The following ARPC2 variants were observed in gnomAD, a reference collection of about 807,000 sequenced individuals.
ARPC2 encodes actin related protein 2/3 complex subunit 2, also known as actin-related protein 2/3 complex subunit 2.
ARPC2 carries 4 observed loss-of-function variants against 38.6 expected under a neutral mutation model. That is an observed-to-expected ratio of 0.10 (90% CI 0.05 to 0.24). ARPC2 has a LOEUF of 0.24. Among genes scored for constraint, ARPC2 ranks in the 10% least tolerant of loss-of-function variants. The pLI is 1.00. For missense variants in ARPC2, 229 were observed against 387.3 expected, an observed-to-expected ratio of 0.59 and a Z score of 3.43; for synonymous variants, 125 against 140.8, an observed-to-expected ratio of 0.89 and a Z score of 0.79.
At chr2:218,226,087 G>C in intron 3 of ARPC2, 133 bp downstream of exon 3, 1 of 845,000 alleles carries the variant, frequency 1.2e-6, no homozygotes, top group South Asian at 1.4e-5. Context: ...CTGATGTCAA[G>C]AGTTAAAGAA....
intron 5 of ARPC2, chr2:218,234,866 T>C: frequency 2.2e-6 from 1 of 456,906 alleles, no homozygotes; most frequent in Non-Finnish European, 4.4e-6. Context: ...ATAGGTTGTC[T>C]CAACATTCAT....
chr2:218,249,918 T>C lies in ARPC2; in HGVS notation c.875T>C (p.Ile292Thr), dbSNP rs1690142845. ...PDAEKKEMKTITGKTFSSR is the reference protein window; with the variant it reads ...PDAEKKEMKTTTGKTFSSR ...GCCGAGAAAAAAGAAATGAAAACAA[T>C]CACGTAAGTTAGGCAGCACCCCAGC... Residue 292 changes from isoleucine to threonine, a missense_variant, in exon 10 of 11, where the codon ATC (isoleucine) becomes ACC (threonine). Coordinates refer to ENST00000315717, the MANE Select transcript of ARPC2 (RefSeq NM_152862.3). 1 of 1,608,232 alleles carries C rather than the reference T, an allele frequency of 6.2e-7. No homozygotes were observed. Among genetic ancestry groups the C allele is most frequent in the African/African-American group, 1.3e-5 (1 of 74,786 alleles).
chr2:218,237,180 C>T (rs531898965), intron 5 of ARPC2, among the ~76,000 whole-genome samples: 2 of 152,180 alleles, frequency 1.3e-5, no homozygotes, highest in East Asian at 3.9e-4. Flanking sequence ...TCTCCGCACC[C>T]CCTGCCCTGC....
At chr2:218,222,347 AGAT>A (rs2106143172) in intron 2 of ARPC2, among the ~76,000 whole-genome samples, 1 of 152,312 alleles carries the variant, frequency 6.6e-6, no homozygotes, top group Non-Finnish European at 1.5e-5. Flanking sequence ...TGAGAAAAGA[AGAT>A]GAGATAATAC....
intron 4 of ARPC2, among the ~76,000 whole-genome samples, chr2:218,232,728 C>A (rs2106149908): frequency 6.6e-6 from 1 of 151,910 alleles, no homozygotes; most frequent in East Asian, 1.9e-4. Flanking sequence ...TGCCACCATG[C>A]CCAGCTAATT....
chr2:218,250,915 T>C (rs1690173499), intron 10 of ARPC2, among the ~76,000 whole-genome samples: 1 of 152,082 alleles, frequency 6.6e-6, no homozygotes, highest in South Asian at 2.1e-4. Flanking sequence ...TCGCCCAGGC[T>C]GGAGTGCAGT....
At chr2:218,230,541 C>T (rs1057374431) in intron 4 of ARPC2, among the ~76,000 whole-genome samples, 87 of 152,058 alleles carry the variant, frequency 5.7e-4, no homozygotes, top group African/African-American at 2.1e-3. Flanking sequence ...TCAAGCAGTC[C>T]TCCTTCCTGG....
chr2:218,225,631 A>G (rs1319055900), intron 2 of ARPC2, among the ~76,000 whole-genome samples: 1 of 152,260 alleles, frequency 6.6e-6, no homozygotes, highest in Non-Finnish European at 1.5e-5. Flanking sequence ...TAGGAAATTC[A>G]GAATTGAAAG....
intron 5 of ARPC2, among the ~76,000 whole-genome samples, chr2:218,236,950 T>C (rs968475608): frequency 1.3e-5 from 2 of 152,158 alleles, no homozygotes; most frequent in South Asian, 2.1e-4. Context: ...TGTAGAAATA[T>C]TCTTGCAAAA....
At chr2:218,250,043 GCTAAGT>G in intron 10 of ARPC2, 122 bp downstream of exon 10, 1 of 787,278 alleles carries the variant, frequency 1.3e-6, no homozygotes, top group South Asian at 1.8e-5. Flanking sequence ...GGTCAGCAGG[GCTAAGT>G]AGATAAACCA....
chr2:218,249,283 T>C lies in ARPC2; in HGVS notation c.677-81T>C. 6 of 902,812 alleles carry C rather than the reference T, an allele frequency of 6.6e-6. 1 individual carries two copies. The South Asian group carries it at 7.3e-5, about 11-fold the overall frequency. 55.9% of individuals were successfully genotyped at this position (902,812 alleles called of 1,614,324 possible). A position where few individuals can be genotyped will look rare whatever the true frequency, so the allele number is the denominator to read the frequency against. On this transcript the variant is annotated intron_variant, in intron 8 of 10. Transcript: ENST00000315717. The stretch of plus-strand genomic sequence containing the variant: ...GTGTACTTAAGCAGAGAGGGAGTGA[T>C]GTTCACTAGGCTGTTGTTCTTCCCC...
intron 6 of ARPC2, 52 bp downstream of exon 6, chr2:218,238,902 G>A: frequency 6.6e-6 from 9 of 1,366,430 alleles, no homozygotes; most frequent in Non-Finnish European, 9.1e-6. Flanking sequence ...ACACCACCAT[G>A]GCACTTACTG....
At chr2:218,230,276 CTTTTTTTTTTCTTTTTTTT>C (rs1159077934) in intron 4 of ARPC2, among the ~76,000 whole-genome samples, 1 of 112,446 alleles carries the variant, frequency 8.9e-6, no homozygotes, top group African/African-American at 3.3e-5. Context: ...CCAGCCTTTT[CTTTTTTTTTTCTTTTTTTT>C]TTTTTTTTTT....
chr2:218,243,384 A>G (rs1689960980), intron 7 of ARPC2, among the ~76,000 whole-genome samples: 1 of 152,366 alleles, frequency 6.6e-6, no homozygotes, highest in Non-Finnish European at 1.5e-5. Flanking sequence ...ACGTATAACA[A>G]AGATGCCAAT....
At chr2:218,237,512 C>T (rs1689802180) in intron 5 of ARPC2, among the ~76,000 whole-genome samples, 1 of 151,246 alleles carries the variant, frequency 6.6e-6, no homozygotes, top group Non-Finnish European at 1.5e-5. Context: ...CCTACCTGCC[C>T]CCCACCACCA....
At chr2:218,220,072 G>A (rs181461734) in intron 2 of ARPC2, among the ~76,000 whole-genome samples, 1 of 152,286 alleles carries the variant, frequency 6.6e-6, no homozygotes, top group East Asian at 1.9e-4. Flanking sequence ...CAGAAAAAAA[G>A]GGGCCTCTCT....
In ARPC2 at chr2:218,254,302, A is replaced by G. The variant is rs987862776; in HGVS notation, c.*387A>G. ...ATTTGAGTTCAAAACTCCTGTATCT[A>G]AAGAAATACGGTTGGGGTCATTAAT... On this transcript the variant is annotated 3_prime_UTR_variant, in exon 11 of 11. Transcript: ENST00000315717. 5 of 190,318 alleles carry G rather than the reference A, an allele frequency of 2.6e-5. No homozygotes were observed. Among genetic ancestry groups the G allele is most frequent in the Non-Finnish European group, 4.4e-5 (4 of 90,804 alleles). The allele number at this position is 190,318 out of a possible 1,614,324, so 11.8% of individuals were successfully genotyped here. A position where few individuals can be genotyped will look rare whatever the true frequency, so the allele number is the denominator to read the frequency against.
chr2:218,232,630 C>T (rs954937000), intron 4 of ARPC2, among the ~76,000 whole-genome samples: 3 of 144,988 alleles, frequency 2.1e-5, no homozygotes, highest in African/African-American at 7.8e-5. Flanking sequence ...AGTGCAGTGG[C>T]GCGATCTCAC....
chr2:218,217,362 C>A, intron 1 of ARPC2, 101 bp from the exon 2 acceptor site: 4 of 976,236 alleles, frequency 4.1e-6, no homozygotes, highest in East Asian at 2.5e-5. Context: ...TAACCTCCTA[C>A]CCCACCCAGC....
Sources: gnomAD v4.1 joint callset for allele counts (sites outside exome capture counted in the v4.1 genomes callset) on GRCh38, gnomAD v4.1.1 for gene constraint, MANE v1.5 for transcripts, NCBI Gene and HGNC (gene_info 2026-07-23, HGNC 2026-07-21) for gene names.